Variants in CENPP observed in about 807,000 individuals in gnomAD.
CENPP encodes centromere protein P.
In CENPP, 24 loss-of-function variants were observed where a neutral mutation model predicts 35.6. The observed-to-expected ratio is 0.67, with a 90% CI of 0.49 to 0.95. CENPP has a LOEUF of 0.95. Ranked by LOEUF, CENPP falls within the 40% of genes least tolerant of loss-of-function variation. CENPP has a pLI of 0.00. For missense variants in CENPP, 332 were observed against 345.3 expected, an observed-to-expected ratio of 0.96 and a Z score of 0.31; for synonymous variants, 120 against 125.5, an observed-to-expected ratio of 0.96 and a Z score of 0.29.
At chr9:92,393,324 A>T (rs544071313) in intron 5 of CENPP, 1 of 1,073,296 alleles carries the variant, frequency 9.3e-7, no homozygotes. Context: ...TATTGCTATT[A>T]TGAATGCTAT....
chr9:92,334,406 C>T (rs1193838259), intron 2 of CENPP, among the ~76,000 whole-genome samples: 2 of 151,846 alleles, frequency 1.3e-5, no homozygotes, highest in African/African-American at 4.8e-5. Flanking sequence ...GGTGTGAGCC[C>T]CTGCGCCTGG....
chr9:92,616,350 C>T lies in CENPP; in HGVS notation c.*3201C>T, dbSNP rs368417377. ...GGCCAGTGCACCCCACCATACCAGG[C>T]GAGAGAGGGTTAAAGGACTGAAAGA... On this transcript the variant is annotated 3_prime_UTR_variant, in exon 8 of 8. Transcript: ENST00000375587. The T allele has an allele frequency of 1.3e-5, 4 of 315,496 alleles. No individual in the cohort carries two copies. The highest frequency in any genetic ancestry group is 6.6e-5 in the East Asian group (1 of 15,132). The allele number at this position is 315,496 out of a possible 1,614,324, so 19.5% of individuals were successfully genotyped here.
In CENPP at chr9:92,390,291, CTTAAAG is replaced by C. The variant is rs368608486; in HGVS notation, c.564+10437_564+10442del. Among the ~76,000 whole-genome samples the C allele has an allele frequency of 7.9e-3, 1,207 of 152,264 alleles. 10 individuals carry two copies. The highest frequency in any genetic ancestry group is 0.028 in the African/African-American group (1,144 of 41,558). ...CTAGAATCTCAGGTTTGAAAGTGAT[CTTAAAG>C]TTAATCGAGTCTTTTCATCTTTCTC... is the stretch of plus-strand genomic sequence containing the variant. On this transcript the variant is annotated intron_variant, in intron 5 of 7. Coordinates refer to ENST00000375587, the MANE Select transcript of CENPP (RefSeq NM_001012267.3).
At chr9:92,554,165 T>G (rs908166064) in intron 5 of CENPP, among the ~76,000 whole-genome samples, 1 of 151,626 alleles carries the variant, frequency 6.6e-6, no homozygotes, top group African/African-American at 2.4e-5. Flanking sequence ...ATTAAGATTA[T>G]CATGTGATTT....
intron 5 of CENPP, among the ~76,000 whole-genome samples, chr9:92,563,127 A>T (rs1331338376): frequency 1.3e-5 from 2 of 152,172 alleles, no homozygotes; most frequent in Admixed American, 6.5e-5. Flanking sequence ...TAAGAATTGT[A>T]TTGTGGAAAT....
chr9:92,521,625 C>T (rs1848075947), intron 5 of CENPP, among the ~76,000 whole-genome samples: 1 of 152,048 alleles, frequency 6.6e-6, no homozygotes, highest in South Asian at 2.1e-4. Context: ...TATACTTTTT[C>T]CTTCCAAATT....
At chr9:92,367,138 CTG>C (rs764374234) in intron 4 of CENPP, among the ~76,000 whole-genome samples, 14 of 152,086 alleles carry the variant, frequency 9.2e-5, no homozygotes, top group South Asian at 2.1e-4. Flanking sequence ...AGGCAGATAA[CTG>C]TGGAGGAAAC....
chr9:92,457,322 C>G, intron 5 of CENPP: 3 of 1,614,008 alleles, frequency 1.9e-6, no homozygotes, highest in Non-Finnish European at 2.5e-6. Flanking sequence ...AACGCTCATT[C>G]TGCTCAAAAC....
At chr9:92,354,197 A>G (rs1269605643) in intron 4 of CENPP, among the ~76,000 whole-genome samples, 1 of 152,200 alleles carries the variant, frequency 6.6e-6, no homozygotes, top group Non-Finnish European at 1.5e-5. Context: ...AGGCAAACCC[A>G]TATCCGGAGT....
intron 5 of CENPP, chr9:92,384,959 C>CT (rs1842365710): frequency 6.6e-6 from 1 of 152,402 alleles, no homozygotes; most frequent in African/African-American, 2.4e-5. Context: ...AAATATTTTA[C>CT]TGAAGACATT....
At chr9:92,534,390 T>C (rs559444086) in intron 5 of CENPP, among the ~76,000 whole-genome samples, 8 of 152,342 alleles carry the variant, frequency 5.3e-5, no homozygotes, top group African/African-American at 4.8e-5. Context: ...AGTTAGTTCA[T>C]AGTCTGACTT....
chr9:92,536,142 G>A (rs1321467079), intron 5 of CENPP: 5 of 392,602 alleles, frequency 1.3e-5, no homozygotes, highest in East Asian at 8.8e-5. Context: ...AGCCAAGAAA[G>A]TAACCAGGGA....
At chr9:92,327,242 A>T (rs1275682643) in intron 1 of CENPP, among the ~76,000 whole-genome samples, 1 of 152,260 alleles carries the variant, frequency 6.6e-6, no homozygotes, top group East Asian at 1.9e-4. Flanking sequence ...AGATTTCATT[A>T]GTCCCCATAG....
chr9:92,456,978 A>G (rs542492351), intron 5 of CENPP: 172 of 1,098,196 alleles, frequency 1.6e-4, no homozygotes, highest in Non-Finnish European at 1.8e-4. Context: ...GCTTGATAAC[A>G]AAGTGTTAAA....
chr9:92,367,677 G>T (rs1368826495), intron 4 of CENPP, among the ~76,000 whole-genome samples: 2 of 152,018 alleles, frequency 1.3e-5, no homozygotes, highest in African/African-American at 2.4e-5. Flanking sequence ...TAGTGCAATG[G>T]TGCGATCTCG....
At chr9:92,389,950 T>A in intron 5 of CENPP, 2 of 1,611,958 alleles carry the variant, frequency 1.2e-6, no homozygotes, top group Non-Finnish European at 1.7e-6. Context: ...GTTTTAGTAG[T>A]TGATTTTCAG....
chr9:92,355,371 G>GT (rs546613797), intron 4 of CENPP, among the ~76,000 whole-genome samples: 238 of 145,974 alleles, frequency 1.6e-3, no homozygotes, highest in South Asian at 0.013. Flanking sequence ...TTGCATGTCT[G>GT]TTTTTTTTTT....
At chr9:92,594,982 C>T (rs563128913) in intron 5 of CENPP, among the ~76,000 whole-genome samples, 7 of 150,240 alleles carry the variant, frequency 4.7e-5, no homozygotes, top group South Asian at 2.1e-4. Context: ...CTGCAACCTC[C>T]GCCTCCCAGG....
intron 5 of CENPP, among the ~76,000 whole-genome samples, chr9:92,477,748 G>T (rs1426505070): frequency 6.6e-6 from 1 of 151,908 alleles, no homozygotes; most frequent in Non-Finnish European, 1.5e-5. Flanking sequence ...TAAAAAACCC[G>T]CAACTCCTAA....
Sources: gnomAD v4.1 joint callset for allele counts (sites outside exome capture counted in the v4.1 genomes callset) on GRCh38, gnomAD v4.1.1 for gene constraint, MANE v1.5 for transcripts, NCBI Gene and HGNC (gene_info 2026-07-23, HGNC 2026-07-21) for gene names.